FADS3: variants seen among roughly 807,000 people sequenced by gnomAD.
FADS3 encodes the protein cytochrome b5-related protein.
FADS3 carries 30 observed loss-of-function variants against 60.4 expected under a neutral mutation model. The ratio of observed to expected loss-of-function variants is 0.50; its 90% CI spans 0.37 to 0.67. The LOEUF (loss-of-function observed/expected upper bound fraction) is 0.67. Ranked by LOEUF, FADS3 falls within the 30% of genes least tolerant of loss-of-function variation. The pLI, the probability that FADS3 is intolerant of heterozygous loss-of-function variation, is 0.00. For synonymous variants in FADS3, 234 were observed against 249.3 expected, an observed-to-expected ratio of 0.94 and a Z score of 0.58; for missense variants, 432 against 598.3, an observed-to-expected ratio of 0.72 and a Z score of 2.90.
rs1039563455 is a variant in FADS3 at position 61,876,091 on chromosome 11, C to A, written c.1160+20G>T. The A allele has an allele frequency of 6.3e-7, 1 of 1,591,682 alleles. No individual in the cohort carries two copies. The highest frequency in any genetic ancestry group is 2.3e-5 in the East Asian group (1 of 43,852). On this transcript the variant is annotated intron_variant, in intron 10 of 11. Transcript: ENST00000278829. The surrounding 1 kb of genome is among the most constrained non-coding windows in gnomAD (Gnocchi z 5.7). Reference sequence around the variant, plus strand: ...GGACCCCCTCCCCACCTCCCACTGGCCCCCAGCACCCACACTCACTGGTGC... The same window carrying A: ...GGACCCCCTCCCCACCTCCCACTGGACCCCAGCACCCACACTCACTGGTGC...
rs772787202 is a variant in FADS3, at chr11:61,876,319, C to T, written c.1080+40G>A. ...TGCCATCTGGCTCCTAGCTGGGACC[C>T]CCCACCCCACCCAGGATGGGCCCCA... is the stretch of plus-strand genomic sequence containing the variant. On this transcript the variant is annotated intron_variant, in intron 9 of 11. Transcript: ENST00000278829. This position sits in a 1 kb window ranked among gnomAD's most constrained non-coding sequence, Gnocchi z 5.7. The T allele has an allele frequency of 1.2e-6, 2 of 1,600,318 alleles. No homozygotes were observed. The highest frequency in any genetic ancestry group is 1.1e-5 in the South Asian group (1 of 90,662).
At chr11:61,874,067 G>A (rs547828780) in intron 11 of FADS3, among the ~76,000 whole-genome samples, 6 of 152,356 alleles carry the variant, frequency 3.9e-5, no homozygotes, top group East Asian at 1.9e-4. Context: ...AATCTAGACC[G>A]GGGTGACGGG....
rs755095038 is a variant in FADS3, at chr11:61,876,097, G to T, written c.1160+14C>A. On this transcript the variant is annotated intron_variant, in intron 10 of 11. Transcript: ENST00000278829. This position sits in a 1 kb window ranked among gnomAD's most constrained non-coding sequence, Gnocchi z 5.7. ...CCTCCCCACCTCCCACTGGCCCCCA[G>T]CACCCACACTCACTGGTGCTCGATC... 1.4e-6 allele frequency: 2 copies of T among 1,406,888 alleles called. No homozygotes were observed. The highest frequency in any genetic ancestry group is 1.9e-6 in the Non-Finnish European group (2 of 1,049,330). 87.2% of individuals were successfully genotyped at this position (1,406,888 alleles called of 1,614,324 possible). A position where few individuals can be genotyped will look rare whatever the true frequency, so the allele number is the denominator to read the frequency against.
At chr11:61,882,460 A>G (rs182220860) in intron 1 of FADS3, 1 of 149,534 alleles carries the variant, frequency 6.7e-6, no homozygotes, top group East Asian at 2.0e-4. Context: ...TCACTCTGTC[A>G]CCAGGCTGGA....
rs375316312 is a variant in FADS3 at position 61,877,511 on chromosome 11, C to T, written c.885G>A (p.Ala295=). ...LAYMLVCMQW[A]DLLWAASFYA... is the part of the protein sequence containing the mutation. The stretch of plus-strand genomic sequence containing the variant: ...CGGGGTCCTGGGCAACCCCACTCAC[C>T]GCCCACTGCATGCACACCAGCATGT... Residue 295 remains alanine, a splice_region_variant and synonymous_variant, in exon 7 of 12, where the codon GCG becomes GCA. Coordinates refer to ENST00000278829, the MANE Select transcript of FADS3 (RefSeq NM_021727.5). This position sits in a 1 kb window ranked among gnomAD's most constrained non-coding sequence, Gnocchi z 4.7. 6.8e-6 allele frequency: 11 copies of T among 1,612,966 alleles called. No homozygotes were observed. Among genetic ancestry groups the T allele is most frequent in the African/African-American group, 1.3e-5 (1 of 75,048 alleles).
intron 1 of FADS3, among the ~76,000 whole-genome samples, chr11:61,885,522 G>T (rs1226148654): frequency 6.6e-6 from 1 of 152,334 alleles, no homozygotes; most frequent in East Asian, 1.9e-4. Flanking sequence ...GTAAGTGCCT[G>T]CAGGAGGGGC....
chr11:61,882,965 A>G (rs1301158773), intron 1 of FADS3, among the ~76,000 whole-genome samples: 2 of 152,200 alleles, frequency 1.3e-5, no homozygotes, highest in Non-Finnish European at 2.9e-5. Flanking sequence ...CCTGAGCTCA[A>G]GCAATCCTCC....
At chr11:61,887,395 G>C (rs1565349166) in intron 1 of FADS3, among the ~76,000 whole-genome samples, 1 of 152,112 alleles carries the variant, frequency 6.6e-6, no homozygotes, top group African/African-American at 2.4e-5. Flanking sequence ...CTTCTGGAAG[G>C]CTCTGCCTTC....
At chr11:61,879,896 G>C in intron 2 of FADS3, 145 bp downstream of exon 2, 2 of 637,504 alleles carry the variant, frequency 3.1e-6, no homozygotes, top group Non-Finnish European at 2.7e-6. Flanking sequence ...CTGCCCCCTG[G>C]GAGGGGAGGG....
At chr11:61,873,951 G>A (rs1015793367) in intron 11 of FADS3, 86 bp from the exon 12 acceptor site, 2 of 867,034 alleles carry the variant, frequency 2.3e-6, no homozygotes, top group Admixed American at 2.3e-5. Context: ...TGGTAAGTGT[G>A]AGCGGAGATC....
In FADS3 at chr11:61,877,794, C is replaced by T. The variant is rs750128536; in HGVS notation, c.809-207G>A. The T allele has an allele frequency of 1.2e-5, 7 of 607,328 alleles. No homozygotes were observed. The highest frequency in any genetic ancestry group is 1.1e-4 in the East Asian group (4 of 36,226). The allele number at this position is 607,328 out of a possible 1,614,324, so 37.6% of individuals were successfully genotyped here. ...CCCACCACCTCCCACCACCCTTCACCGCAAGTCAGGGCCAGACTTGAGTCC... is the reference window on the plus strand; with the variant it reads ...CCCACCACCTCCCACCACCCTTCACTGCAAGTCAGGGCCAGACTTGAGTCC... On this transcript the variant is annotated intron_variant, in intron 6 of 11. Transcript: ENST00000278829. The surrounding 1 kb of genome is among the most constrained non-coding windows in gnomAD (Gnocchi z 4.7).
chr11:61,883,247 CT>C (rs2135997788), intron 1 of FADS3, among the ~76,000 whole-genome samples: 1 of 152,314 alleles, frequency 6.6e-6, no homozygotes, highest in Admixed American at 6.5e-5. Flanking sequence ...ACCATGCTAC[CT>C]TCTGTCCATA....
At position 61,878,599 on chromosome 11, in the gene FADS3, G is replaced by A. The variant is rs1219597386; in HGVS notation, c.660C>T (p.Phe220=). 8.1e-6 allele frequency: 13 copies of A among 1,614,068 alleles called. No homozygotes were observed. The highest frequency in any genetic ancestry group is 1.3e-5 in the African/African-American group (1 of 74,946). ...FSAHWWNFRH[F]QHHAKPNIFH... ...AGATGTTGGGCTTGGCGTGGTGCTG[G>A]AAGTGGCGGAAGTTCCACCAGTGGG... is the stretch of plus-strand genomic sequence containing the variant. Residue 220 remains phenylalanine (F), a synonymous_variant, in exon 5 of 12, where the codon TTC becomes TTT. Transcript: ENST00000278829.
Position 61,877,789 on chromosome 11 carries a change from T to G in FADS3, c.809-202A>C. The G allele has an allele frequency of 1.6e-6, 1 of 606,942 alleles. No individual in the cohort carries two copies. Among genetic ancestry groups the G allele is most frequent in the Non-Finnish European group, 2.9e-6 (1 of 340,304 alleles). 37.6% of individuals were successfully genotyped at this position (606,942 alleles called of 1,614,324 possible). A position where few individuals can be genotyped will look rare whatever the true frequency, so the allele number is the denominator to read the frequency against. ...CTTACCCCACCACCTCCCACCACCCTTCACCGCAAGTCAGGGCCAGACTTG... is the reference window on the plus strand; with the variant it reads ...CTTACCCCACCACCTCCCACCACCCGTCACCGCAAGTCAGGGCCAGACTTG... On this transcript the variant is annotated intron_variant, in intron 6 of 11. Transcript: ENST00000278829. The surrounding 1 kb of genome is among the most constrained non-coding windows in gnomAD (Gnocchi z 4.7).
chr11:61,880,310 T>G, intron 1 of FADS3, 159 bp from the exon 2 acceptor site: 68 of 555,058 alleles, frequency 1.2e-4, no homozygotes, highest in Middle Eastern at 4.2e-4. Flanking sequence ...ACATGGGCCC[T>G]CCCTGGTCCT....
intron 1 of FADS3, chr11:61,890,229 G>A (rs1938455348): frequency 6.6e-6 from 1 of 152,128 alleles, no homozygotes; most frequent in Non-Finnish European, 1.5e-5. Context: ...AAAGAGTCCA[G>A]TGAAGATTGT....
chr11:61,878,652 G>C lies in FADS3; in HGVS notation c.625-18C>G, dbSNP rs763143301. Reference sequence around the variant, plus strand: ...GAGAAGCCCTGTGGAGGAGGAGGGGGCTCTCAGGGCAGGCTGTGCCCCCGA... The same window carrying C: ...GAGAAGCCCTGTGGAGGAGGAGGGGCCTCTCAGGGCAGGCTGTGCCCCCGA... On this transcript the variant is annotated intron_variant, in intron 4 of 11. Transcript: ENST00000278829. 1.2e-6 allele frequency: 2 copies of C among 1,613,698 alleles called. No individual in the cohort carries two copies. Among genetic ancestry groups the C allele is most frequent in the Non-Finnish European group, 1.7e-6 (2 of 1,179,774 alleles).
At chr11:61,879,757 T>A (rs1200336367) in intron 2 of FADS3, among the ~76,000 whole-genome samples, 1 of 152,162 alleles carries the variant, frequency 6.6e-6, no homozygotes, top group Non-Finnish European at 1.5e-5. Context: ...ATCAAAATCC[T>A]CCTTTTGATG....
In FADS3 at chr11:61,877,356, C is replaced by T. The variant is rs572148158; in HGVS notation, c.885+155G>A. Reference sequence around the variant, plus strand: ...CACACTCGCTCTCCTGCTGCGCGCACACATGTGAGCCACACTGTTGCACGC... The same window carrying T: ...CACACTCGCTCTCCTGCTGCGCGCATACATGTGAGCCACACTGTTGCACGC... On this transcript the variant is annotated intron_variant, in intron 7 of 11. Coordinates refer to ENST00000278829, the MANE Select transcript of FADS3 (RefSeq NM_021727.5). This position sits in a 1 kb window ranked among gnomAD's most constrained non-coding sequence, Gnocchi z 4.7. The T allele has an allele frequency of 4.8e-6, 3 of 625,960 alleles. No individual in the cohort carries two copies. Among genetic ancestry groups the T allele is most frequent in the South Asian group, 3.6e-5 (2 of 56,242 alleles). 38.8% of individuals were successfully genotyped at this position (625,960 alleles called of 1,614,324 possible).
Sources: allele counts gnomAD v4.1 joint callset (sites outside exome capture counted in the v4.1 genomes callset), GRCh38; gene constraint gnomAD v4.1.1; non-coding constraint Gnocchi (gnomAD v3.1); transcripts MANE v1.5; gene names NCBI Gene and HGNC (gene_info 2026-07-23, HGNC 2026-07-21).